EXOC4: variants seen among roughly 807,000 people sequenced by gnomAD.
EXOC4 encodes the protein exocyst complex component 4.
In EXOC4, 71 loss-of-function variants were observed where a neutral mutation model predicts 107.2. The observed-to-expected ratio is 0.66, with a 90% CI of 0.55 to 0.81. EXOC4 has a LOEUF of 0.81. EXOC4 is among the 30% of genes least tolerant of loss of function. EXOC4 has a pLI of 0.00. For missense variants in EXOC4, 1,108 were observed against 1,189.6 expected (o/e 0.93, Z 1.01); for synonymous variants, 456 against 441.2 (o/e 1.03, Z -0.42).
At chr7:133,705,537 A>G (rs922908532) in intron 10 of EXOC4, among the ~76,000 whole-genome samples, 5 of 152,230 alleles carry the variant, frequency 3.3e-5, no homozygotes, top group Non-Finnish European at 1.5e-5. Context: ...TCAGTTACCC[A>G]TAGTCAATTG....
intron 1 of EXOC4, among the ~76,000 whole-genome samples, chr7:133,254,724 A>G (rs935894636): frequency 6.6e-6 from 1 of 152,170 alleles, no homozygotes; most frequent in African/African-American, 2.4e-5. Flanking sequence ...TGGGGGATAA[A>G]ACATGTCAGT....
At chr7:133,990,181 G>T (rs1794217822) in intron 14 of EXOC4, among the ~76,000 whole-genome samples, 1 of 151,648 alleles carries the variant, frequency 6.6e-6, no homozygotes, top group Admixed American at 6.6e-5. Flanking sequence ...ATAAATTATT[G>T]TTAAGTATAA....
At chr7:133,466,271 G>T (rs1045053683) in intron 7 of EXOC4, among the ~76,000 whole-genome samples, 11 of 151,918 alleles carry the variant, frequency 7.2e-5, no homozygotes, top group African/African-American at 2.4e-4. Flanking sequence ...GAGGTCTTTT[G>T]AAAAGATCAA....
At chr7:133,593,933 TTTAA>T (rs1185164316) in intron 9 of EXOC4, among the ~76,000 whole-genome samples, 1 of 152,182 alleles carries the variant, frequency 6.6e-6, no homozygotes, top group Non-Finnish European at 1.5e-5. Context: ...ATGTGGAAAG[TTTAA>T]TTATTTTTAA....
At chr7:133,575,952 C>T (rs2150963001) in intron 9 of EXOC4, among the ~76,000 whole-genome samples, 1 of 152,260 alleles carries the variant, frequency 6.6e-6, no homozygotes, top group South Asian at 2.1e-4. Flanking sequence ...TCGTTCTCTT[C>T]AGTGACTGTG....
the EXOC4 span, among the ~76,000 whole-genome samples, chr7:134,073,845 G>T: frequency 6.6e-6 from 1 of 152,034 alleles, no homozygotes; most frequent in Non-Finnish European, 1.5e-5. Flanking sequence ...TCAGGAGAGC[G>T]GGGTGAGCAC....
At chr7:133,518,824 G>A (rs1799929478) in intron 9 of EXOC4, among the ~76,000 whole-genome samples, 1 of 152,042 alleles carries the variant, frequency 6.6e-6, no homozygotes, top group African/African-American at 2.4e-5. Context: ...TGTAAGGGGT[G>A]GGATGGAGGG....
At chr7:134,000,049 T>C (rs945052572) in intron 15 of EXOC4, among the ~76,000 whole-genome samples, 1 of 152,232 alleles carries the variant, frequency 6.6e-6, no homozygotes, top group Admixed American at 6.5e-5. Context: ...TTATCTTTCC[T>C]TGAATTTAAC....
chr7:133,737,909 CTTTTTTTTTT>C lies in EXOC4; in HGVS notation c.1515-79405_1515-79396del, dbSNP rs10673346. Among the ~76,000 whole-genome samples the C allele has an allele frequency of 7.3e-3, 650 of 89,334 alleles. 8 individuals carry two copies. Among genetic ancestry groups the C allele is most frequent in the African/African-American group, 0.027 (624 of 23,264 alleles). The allele number at this position is 89,334 out of a possible 152,430, so 58.6% of individuals were successfully genotyped here. A position where few individuals can be genotyped will look rare whatever the true frequency, so the allele number is the denominator to read the frequency against. ...TTTTTGTGCCTCTTGATTTTTCTTT[CTTTTTTTTTT>C]TTTTTTTTTTGAGACGGGGTCTTGC... On this transcript the variant is annotated intron_variant, in intron 10 of 17. Coordinates refer to ENST00000253861, the MANE Select transcript of EXOC4 (RefSeq NM_021807.4).
intron 14 of EXOC4, among the ~76,000 whole-genome samples, chr7:133,975,745 G>GCACA (rs57377025): frequency 2.1e-4 from 31 of 150,102 alleles, no homozygotes; most frequent in African/African-American, 6.6e-4. Context: ...AAATGCGTGT[G>GCACA]CACACACACA....
intron 5 of EXOC4, among the ~76,000 whole-genome samples, chr7:133,336,679 A>G (rs1368791087): frequency 6.7e-6 from 1 of 148,518 alleles, no homozygotes; most frequent in Non-Finnish European, 1.5e-5. Flanking sequence ...GTTTTGTTTC[A>G]TTTTTATTTT....
chr7:133,955,190 A>G (rs1469598210), intron 14 of EXOC4, among the ~76,000 whole-genome samples: 1 of 152,230 alleles, frequency 6.6e-6, no homozygotes, highest in African/African-American at 2.4e-5. Flanking sequence ...TCCAGGAAGA[A>G]TGAGTTACAT....
At chr7:134,056,395 G>T (rs190192784) in intron 17 of EXOC4, among the ~76,000 whole-genome samples, 129 of 152,242 alleles carry the variant, frequency 8.5e-4, no homozygotes, top group African/African-American at 2.9e-3. Flanking sequence ...CAGAACAAGA[G>T]GGTAATTCTA....
intron 11 of EXOC4, among the ~76,000 whole-genome samples, chr7:133,864,202 T>C (rs1322829524): frequency 6.6e-6 from 1 of 152,220 alleles, no homozygotes; most frequent in Non-Finnish European, 1.5e-5. Flanking sequence ...TATGTGGAAA[T>C]TGATGTTAAT....
In EXOC4 at chr7:133,385,176, T is replaced by G. The variant is rs140792457; in HGVS notation, c.1182+10174T>G. 1.0e-2 allele frequency among the ~76,000 whole-genome samples: 1,516 copies of G among 152,360 alleles called. 31 individuals are homozygous for G. The highest frequency in any genetic ancestry group is 0.035 in the African/African-American group (1,441 of 41,586). On this transcript the variant is annotated intron_variant, in intron 7 of 17. Transcript: ENST00000253861. Reference sequence around the variant, plus strand: ...GCTGCAGGTCTTTTAAGGCCTGGCCTTGGGGCATTACTTGGTATCACGTCT... The same window carrying G: ...GCTGCAGGTCTTTTAAGGCCTGGCCGTGGGGCATTACTTGGTATCACGTCT...
chr7:133,965,314 G>A (rs946484813), intron 14 of EXOC4, among the ~76,000 whole-genome samples: 2 of 152,178 alleles, frequency 1.3e-5, no homozygotes, highest in Non-Finnish European at 2.9e-5. Flanking sequence ...CTTTAGCTGT[G>A]CAGAAGCTCT....
At chr7:133,722,169 G>A (rs922287595) in intron 10 of EXOC4, among the ~76,000 whole-genome samples, 3 of 152,196 alleles carry the variant, frequency 2.0e-5, no homozygotes, top group African/African-American at 7.2e-5. Flanking sequence ...AATAGGCTTT[G>A]CCCTGTATCC....
intron 11 of EXOC4, among the ~76,000 whole-genome samples, chr7:133,845,460 TACA>T (rs1050083089): frequency 2.0e-5 from 3 of 149,558 alleles, no homozygotes; most frequent in African/African-American, 7.3e-5. Flanking sequence ...ATAAAAGAAA[TACA>T]ACGTTTGCCC....
intron 17 of EXOC4, among the ~76,000 whole-genome samples, chr7:134,035,078 C>T (rs1795358175): frequency 7.0e-6 from 1 of 143,172 alleles, no homozygotes; most frequent in Non-Finnish European, 1.5e-5. Context: ...CAGAGTCTCA[C>T]TCTGTTGGCC....
Sources: gnomAD v4.1 joint callset for allele counts (sites outside exome capture counted in the v4.1 genomes callset) on GRCh38, gnomAD v4.1.1 for gene constraint, MANE v1.5 for transcripts, NCBI Gene and HGNC (gene_info 2026-07-23, HGNC 2026-07-21) for gene names.